The following NEO1 variants were observed in gnomAD, a reference collection of about 807,000 sequenced individuals.
The protein encoded by NEO1 is neogenin.
Under a neutral mutation model 159.7 loss-of-function variants are expected in NEO1, and 63 were observed. The ratio of observed to expected loss-of-function variants is 0.39; its 90% CI spans 0.32 to 0.49. The LOEUF is 0.49. Among genes scored for constraint, NEO1 ranks in the 20% least tolerant of loss-of-function variants. The pLI, the probability that NEO1 is intolerant of heterozygous loss-of-function variation, is 0.85. For synonymous variants in NEO1, 633 were observed against 662.0 expected (o/e 0.96, Z 0.67); for missense variants, 1,615 against 1,831.0 (o/e 0.88, Z 2.15).
chr15:73,064,890 TA>T (rs1409874105), intron 1 of NEO1, among the ~76,000 whole-genome samples: 1 of 152,158 alleles, frequency 6.6e-6, no homozygotes, highest in Admixed American at 6.6e-5. Context: ...TATTTGGCTT[TA>T]AACCTCCCAT....
rs138586197 is a variant in NEO1, at chr15:73,263,979, C to T, written c.2399-2337C>T. On this transcript the variant is annotated intron_variant, in intron 15 of 28. Transcript: ENST00000261908. ...GGCAGGAGGATCGCTTGAGCCCAGA[C>T]GTTCAAGACCAACTTGGGCAACATA... Among the ~76,000 whole-genome samples, 134 of 152,108 alleles carry T rather than the reference C, an allele frequency of 8.8e-4. 1 individual carries two copies. Among genetic ancestry groups the T allele is most frequent in the African/African-American group, 3.1e-3 (130 of 41,506 alleles).
intron 5 of NEO1, among the ~76,000 whole-genome samples, chr15:73,166,390 G>A (rs981461662): frequency 2.6e-5 from 4 of 152,206 alleles, no homozygotes; most frequent in Non-Finnish European, 5.9e-5. Context: ...ACCCAGTGCA[G>A]CAAAGCTAAA....
At chr15:73,082,473 A>T (rs6495048) in intron 1 of NEO1, among the ~76,000 whole-genome samples, 20,633 of 152,006 alleles carry the variant, frequency 0.14, 2,362 homozygotes, top group African/African-American at 0.31. Context: ...ATTGCTGTTA[A>T]TTTTTCTAAA....
At chr15:73,151,193 A>T (rs77531001) in intron 5 of NEO1, among the ~76,000 whole-genome samples, 1 of 152,116 alleles carries the variant, frequency 6.6e-6, no homozygotes, top group African/African-American at 2.4e-5. Context: ...CATTTTCCTG[A>T]TGAGTAGTGA....
chr15:73,227,526 C>T (rs571136037), intron 7 of NEO1, among the ~76,000 whole-genome samples: 1 of 152,046 alleles, frequency 6.6e-6, no homozygotes, highest in African/African-American at 2.4e-5. Flanking sequence ...TCAGGAGAAA[C>T]GTCATCATTC....
chr15:73,122,309 T>C (rs1429681795), intron 2 of NEO1, among the ~76,000 whole-genome samples: 1 of 151,914 alleles, frequency 6.6e-6, no homozygotes, highest in Non-Finnish European at 1.5e-5. Context: ...TATACCTTGC[T>C]TCTCTAACTG....
chr15:73,160,182 T>C (rs956977347), intron 5 of NEO1, among the ~76,000 whole-genome samples: 2 of 152,182 alleles, frequency 1.3e-5, no homozygotes, highest in African/African-American at 4.8e-5. Context: ...TCCTCTTGAA[T>C]ATACAAAAAC....
chr15:73,239,858 CCTGTCTGT>C (rs1399181176), intron 8 of NEO1, among the ~76,000 whole-genome samples: 3 of 152,166 alleles, frequency 2.0e-5, no homozygotes, highest in Non-Finnish European at 4.4e-5. Context: ...TTTTAAATGA[CCTGTCTGT>C]ATATTTTGAT....
intron 1 of NEO1, among the ~76,000 whole-genome samples, chr15:73,070,496 C>G (rs1490419930): frequency 6.6e-6 from 1 of 152,100 alleles, no homozygotes; most frequent in Non-Finnish European, 1.5e-5. Flanking sequence ...TGCATAATTT[C>G]ATGATGAAAG....
At chr15:73,248,311 A>G (rs1207559095) in intron 9 of NEO1, among the ~76,000 whole-genome samples, 2 of 152,266 alleles carry the variant, frequency 1.3e-5, no homozygotes, top group African/African-American at 4.8e-5. Context: ...ATAATTTTTC[A>G]GTAGTCACCT....
chr15:73,249,141 T>C lies in NEO1; in HGVS notation c.1688T>C (p.Val563Ala). ...ATCACTGTTACGTGGGAAACACCAG[T>C]GTCTGGCAATGGGGAAATTCAGAAT... ...TSITVTWETP[V>A]SGNGEIQNYK... The change falls in exon 10 of 29, where the codon GTG (valine) becomes GCG (alanine). Residue 563 changes from valine to alanine, a missense_variant. By Grantham distance (64) the Val-to-Ala change is moderately conservative. This residue lies in a region of NEO1 where 1,018 missense variants were observed against 1,115.4 expected (regional missense o/e 0.91). Coordinates refer to ENST00000261908, the MANE Select transcript of NEO1 (RefSeq NM_002499.4). The C allele has an allele frequency of 6.2e-7, 1 of 1,614,080 alleles. No individual in the cohort carries two copies. Among genetic ancestry groups the C allele is most frequent in the Non-Finnish European group, 8.5e-7 (1 of 1,179,936 alleles).
At chr15:73,058,323 A>G (rs982460569) in intron 1 of NEO1, among the ~76,000 whole-genome samples, 22 of 152,190 alleles carry the variant, frequency 1.4e-4, no homozygotes, top group African/African-American at 5.1e-4. Flanking sequence ...CAGATGAGGA[A>G]ACTGAGTCTC....
chr15:73,217,358 T>G (rs2037954665), intron 7 of NEO1, among the ~76,000 whole-genome samples: 1 of 148,346 alleles, frequency 6.7e-6, no homozygotes, highest in Non-Finnish European at 1.5e-5. Flanking sequence ...TGAAGTCAGG[T>G]AGTGTGATGC....
At chr15:73,234,190 G>T (rs1353603735) in intron 7 of NEO1, among the ~76,000 whole-genome samples, 2 of 152,104 alleles carry the variant, frequency 1.3e-5, no homozygotes, top group African/African-American at 4.8e-5. Flanking sequence ...GACTGTTCAG[G>T]CTACTTTTTG....
chr15:73,280,422 C>T (rs983425893), intron 22 of NEO1, among the ~76,000 whole-genome samples: 7 of 152,290 alleles, frequency 4.6e-5, no homozygotes, highest in African/African-American at 1.7e-4. Context: ...CCAGCTCATT[C>T]GCAAGAGGTC....
chr15:73,136,962 C>T (rs1277328019), intron 5 of NEO1, among the ~76,000 whole-genome samples: 4 of 152,112 alleles, frequency 2.6e-5, no homozygotes, highest in Non-Finnish European at 4.4e-5. Context: ...AAACTCTGAC[C>T]GGGACTGTTG....
At chr15:73,225,038 T>A (rs1157255102) in intron 7 of NEO1, among the ~76,000 whole-genome samples, 2 of 152,162 alleles carry the variant, frequency 1.3e-5, no homozygotes, top group African/African-American at 4.8e-5. Flanking sequence ...TGGATGTGGC[T>A]TCCTGAGAGC....
At chr15:73,202,675 TTG>T (rs1240350797) in intron 7 of NEO1, among the ~76,000 whole-genome samples, 2 of 152,220 alleles carry the variant, frequency 1.3e-5, no homozygotes, top group African/African-American at 4.8e-5. Context: ...ATCTTAACTA[TTG>T]TGTGTATTTC....
intron 1 of NEO1, among the ~76,000 whole-genome samples, chr15:73,058,812 T>G (rs1315069227): frequency 6.6e-6 from 1 of 152,200 alleles, no homozygotes; most frequent in Non-Finnish European, 1.5e-5. Flanking sequence ...CAGGTTTCTC[T>G]TACTCTGAAG....
Sources: gnomAD v4.1 joint callset for allele counts (sites outside exome capture counted in the v4.1 genomes callset) on GRCh38, gnomAD v4.1.1 for gene constraint, gnomAD v4.1.1 regional missense constraint, MANE v1.5 for transcripts, NCBI Gene and HGNC (gene_info 2026-07-23, HGNC 2026-07-21) for gene names.